Variants in STAG2 observed in about 807,000 individuals in gnomAD.
STAG2 encodes STAG2 cohesin complex component.
In STAG2, 14 loss-of-function variants were observed where a neutral mutation model predicts 108.1. The ratio of observed to expected loss-of-function variants is 0.13; its 90% CI spans 0.09 to 0.20. The LOEUF is 0.20. Ranked by LOEUF, STAG2 falls within the 10% of genes least tolerant of loss-of-function variation. The probability of loss-of-function intolerance (pLI) is 1.00; values close to 1 mark genes in which losing one functional copy is unlikely to be tolerated. For synonymous variants in STAG2, 307 were observed against 302.7 expected (o/e 1.01, Z -0.15); for missense variants, 440 against 940.9 (o/e 0.47, Z 6.96).
intron 4 of STAG2, among the ~76,000 whole-genome samples, chrX:124,027,434 G>C (rs1254299858): frequency 1.8e-5 from 2 of 111,635 alleles, no homozygotes; most frequent in African/African-American, 6.5e-5. Context: ...CTATTGGACA[G>C]TATAATTTAT....
intron 9 of STAG2, 94 bp from the exon 10 acceptor site, chrX:124,048,911 G>C (rs905539011): frequency 1.7e-5 from 11 of 656,548 alleles, no homozygotes; most frequent in Non-Finnish European, 2.6e-5. Context: ...AAAATACTGG[G>C]GAATTCTGCT....
At position 124,083,362 on chromosome X, in the gene STAG2, A is replaced by G. The variant is rs1187037700; in HGVS notation, c.2925-59A>G. 5.2e-6 allele frequency: 5 copies of G among 970,678 alleles called. No homozygotes were observed. In the South Asian group the frequency reaches 1.2e-4, roughly 23 times the overall value. 80.0% of individuals were successfully genotyped at this position (970,678 alleles called of 1,213,427 possible). The stretch of plus-strand genomic sequence containing the variant: ...GTGAGTGAAATTTCCTAAGTTATTG[A>G]CTTTTTTATTATAGTCCCTCAAATA... On this transcript the variant is annotated intron_variant, in intron 28 of 34. Coordinates refer to ENST00000371145, the MANE Select transcript of STAG2 (RefSeq NM_001042750.2).
intron 1 of STAG2, among the ~76,000 whole-genome samples, chrX:123,964,960 CTTTTTTTT>C (rs33913146): frequency 1.2e-5 from 1 of 80,143 alleles, no homozygotes; most frequent in Non-Finnish European, 2.4e-5. Flanking sequence ...AGGTAAGTGC[CTTTTTTTT>C]TTTTTTTTTT....
chrX:124,065,056 CT>C (rs1272230378), intron 20 of STAG2, among the ~76,000 whole-genome samples: 1 of 111,244 alleles, frequency 9.0e-6, no homozygotes, highest in African/African-American at 3.3e-5. Flanking sequence ...ACTCATTTAA[CT>C]TTTATTTGGT....
chrX:123,973,251 T>TA (rs1656956765), intron 1 of STAG2, among the ~76,000 whole-genome samples: 1 of 109,921 alleles, frequency 9.1e-6, no homozygotes, highest in Non-Finnish European at 1.9e-5. Context: ...TTAAAGTACT[T>TA]ATGGGGGACC....
Position 124,068,755 on chromosome X carries a change from G to T in STAG2, c.2358+99G>T. Reference sequence around the variant, plus strand: ...AATAATACTAAGATTGAGCAAAGCAGAAATATCTTGTATCTGCCTATGTAT... The same window carrying T: ...AATAATACTAAGATTGAGCAAAGCATAAATATCTTGTATCTGCCTATGTAT... On this transcript the variant is annotated intron_variant, in intron 24 of 34. Coordinates refer to ENST00000371145, the MANE Select transcript of STAG2 (RefSeq NM_001042750.2). 4 of 524,282 alleles carry T rather than the reference G, an allele frequency of 7.6e-6. No individual in the cohort carries two copies. The South Asian group carries it at 1.4e-4, about 19-fold the overall frequency. 43.2% of individuals were successfully genotyped at this position (524,282 alleles called of 1,213,427 possible). A position where few individuals can be genotyped will look rare whatever the true frequency, so the allele number is the denominator to read the frequency against.
chrX:124,043,038 A>G (rs754333596), intron 7 of STAG2, among the ~76,000 whole-genome samples: 5 of 109,827 alleles, frequency 4.6e-5, no homozygotes, highest in Admixed American at 2.9e-4. Flanking sequence ...AAAAAATTGT[A>G]AGCATTAATG....
chrX:124,098,935 T>C (rs1277205600), intron 34 of STAG2, among the ~76,000 whole-genome samples: 3 of 111,899 alleles, frequency 2.7e-5, no homozygotes, highest in East Asian at 2.8e-4. Context: ...TAACAGTTGT[T>C]TTCTGCCAGA....
At chrX:124,048,129 T>C (rs1166335595) in intron 9 of STAG2, among the ~76,000 whole-genome samples, 1 of 112,004 alleles carries the variant, frequency 8.9e-6, no homozygotes, top group Non-Finnish European at 1.9e-5. Context: ...TTCAAAAATA[T>C]TAGTAATGCA....
At chrX:124,018,565 A>G (rs1224363133) in intron 1 of STAG2, among the ~76,000 whole-genome samples, 1 of 110,740 alleles carries the variant, frequency 9.0e-6, no homozygotes, top group Non-Finnish European at 1.9e-5. Context: ...CAATGGTGTG[A>G]TCATGGCTCA....
intron 25 of STAG2, among the ~76,000 whole-genome samples, chrX:124,072,904 CT>C (rs779996801): frequency 0.033 from 2,363 of 72,598 alleles, 85 homozygotes; most frequent in African/African-American, 0.12. Context: ...TTCTTTCTTT[CT>C]TTTTTTTTTT....
At chrX:124,013,324 AACACACACACACACAC>A (rs71886288) in intron 1 of STAG2, among the ~76,000 whole-genome samples, 1 of 103,626 alleles carries the variant, frequency 9.7e-6, no homozygotes, top group African/African-American at 3.5e-5. Context: ...CACACACACA[AACACACACACACACAC>A]ACACACACGC....
At chrX:124,049,351 G>T (rs1204655950) in intron 10 of STAG2, among the ~76,000 whole-genome samples, 1 of 111,612 alleles carries the variant, frequency 9.0e-6, no homozygotes, top group African/African-American at 3.3e-5. Context: ...ATACTTAATT[G>T]CCTTTGGATG....
chrX:124,032,945 A>C (rs1385414682), intron 5 of STAG2, among the ~76,000 whole-genome samples: 2 of 112,586 alleles, frequency 1.8e-5, no homozygotes, highest in African/African-American at 3.2e-5. Context: ...TTTTATAAAT[A>C]AAATGTGTCA....
chrX:124,048,947 GGT>G lies in STAG2; in HGVS notation c.820-55_820-54del. The G allele has an allele frequency of 4.1e-6, 4 of 973,744 alleles. No individual in the cohort carries two copies. In the South Asian group the frequency reaches 8.0e-5, roughly 20 times the overall value. 80.2% of individuals were successfully genotyped at this position (973,744 alleles called of 1,213,427 possible). On this transcript the variant is annotated intron_variant, in intron 9 of 34. Transcript: ENST00000371145. ...TTTTTTGTGCTTGTAACAACTTACA[GGT>G]GTTCATTTGGTTGTCTTCCTTTACA...
chrX:124,086,959 A>G (rs2059122760), intron 30 of STAG2, among the ~76,000 whole-genome samples, 189 bp downstream of exon 30: 1 of 112,593 alleles, frequency 8.9e-6, no homozygotes, highest in African/African-American at 3.2e-5. Context: ...TTTTGGGTAC[A>G]TCTTCATTTT....
chrX:124,050,429 T>C (rs2058000856), intron 11 of STAG2, 120 bp downstream of exon 11: 1 of 759,781 alleles, frequency 1.3e-6, no homozygotes, highest in South Asian at 4.7e-5. Context: ...GCCTCCCCTT[T>C]ATTCTTTTCT....
intron 1 of STAG2, among the ~76,000 whole-genome samples, chrX:123,979,023 A>G (rs1188980733): frequency 9.0e-6 from 1 of 111,145 alleles, no homozygotes; most frequent in Non-Finnish European, 1.9e-5. Flanking sequence ...GAGGTAATAT[A>G]CTACCTTTAG....
chrX:124,099,577 T>G (rs3913241), intron 34 of STAG2, among the ~76,000 whole-genome samples: 53,856 of 110,013 alleles, frequency 0.49, 10,587 homozygotes, highest in Non-Finnish European at 0.61. Flanking sequence ...TAATTCATTA[T>G]AAAGAGGCTG....
Sources: gnomAD v4.1 joint callset for allele counts (sites outside exome capture counted in the v4.1 genomes callset) on GRCh38, gnomAD v4.1.1 for gene constraint, MANE v1.5 for transcripts, NCBI Gene and HGNC (gene_info 2026-07-23, HGNC 2026-07-21) for gene names.